The following PACRG variants were observed in gnomAD, a reference collection of about 807,000 sequenced individuals.
PACRG encodes parkin coregulated.
Under a neutral mutation model 29.7 loss-of-function variants are expected in PACRG, and 29 were observed. The observed-to-expected ratio is 0.98, with a 90% CI of 0.73 to 1.33. PACRG has a LOEUF of 1.33. Ranked by LOEUF, PACRG falls within the 40% of genes most tolerant of loss-of-function variation. The pLI, the probability that PACRG is intolerant of heterozygous loss-of-function variation, is 0.00. For missense variants in PACRG, 279 were observed against 316.2 expected (o/e 0.88, Z 0.89); for synonymous variants, 116 against 118.7 (o/e 0.98, Z 0.15).
In PACRG at chr6:162,728,353, G is replaced by T; in HGVS notation, c.118G>T (p.Glu40Ter). Reference protein sequence around the residue: ...PVHQPHSLVSEGFTVKAMMKN... With the variant: ...PVHQPHSLVS ...GCACCAGCCTCACTCTCTGGTTTCT[G>T]AGGGTTTCACAGTCAAAGCCATGAT... is the stretch of plus-strand genomic sequence containing the variant. Residue 40 changes from glutamate (E) to a stop codon, truncating the protein, a stop_gained, in exon 1 of 5, where the codon GAG becomes TAG. Transcript: ENST00000366888. LOFTEE classifies it high-confidence loss of function. 6.2e-7 allele frequency: 1 copy of T among 1,613,734 alleles called. No individual in the cohort carries two copies.
At chr6:163,221,985 G>A (rs1024464734) in intron 4 of PACRG, among the ~76,000 whole-genome samples, 5 of 152,176 alleles carry the variant, frequency 3.3e-5, no homozygotes, top group Admixed American at 6.5e-5. Flanking sequence ...GCTGCACCCT[G>A]ATCACCTGGC....
intron 4 of PACRG, among the ~76,000 whole-genome samples, chr6:163,289,573 A>G (rs186582980): frequency 1.3e-5 from 2 of 152,348 alleles, no homozygotes; most frequent in African/African-American, 4.8e-5. Context: ...CAGTTCTGCA[A>G]TGTCATTCTA....
chr6:163,143,550 A>G (rs951147976), intron 4 of PACRG, among the ~76,000 whole-genome samples: 1 of 151,852 alleles, frequency 6.6e-6, no homozygotes, highest in African/African-American at 2.4e-5. Context: ...CAGCCCAGGA[A>G]GGCCTTCAGA....
chr6:162,916,199 A>G (rs1411396519), intron 2 of PACRG, among the ~76,000 whole-genome samples: 3 of 152,146 alleles, frequency 2.0e-5, no homozygotes, highest in African/African-American at 7.2e-5. Context: ...TGAGCACTCT[A>G]AAGATGCTAT....
At chr6:162,934,256 G>C (rs1319421330) in intron 2 of PACRG, among the ~76,000 whole-genome samples, 2 of 145,432 alleles carry the variant, frequency 1.4e-5, no homozygotes, top group African/African-American at 5.4e-5. Context: ...CAGCGAGACT[G>C]TCTCAAAAAA....
At chr6:163,003,806 C>G (rs750633802) in intron 2 of PACRG, among the ~76,000 whole-genome samples, 4 of 152,124 alleles carry the variant, frequency 2.6e-5, no homozygotes, top group Non-Finnish European at 4.4e-5. Flanking sequence ...AGCCTTAATC[C>G]TCTCGATAAT....
At chr6:163,223,083 G>A (rs1781650577) in intron 4 of PACRG, among the ~76,000 whole-genome samples, 1 of 152,118 alleles carries the variant, frequency 6.6e-6, no homozygotes, top group Admixed American at 6.5e-5. Context: ...AACATACCTA[G>A]GGAAAAAGAA....
At chr6:163,298,686 C>A (rs1255671080) in intron 4 of PACRG, among the ~76,000 whole-genome samples, 1 of 152,182 alleles carries the variant, frequency 6.6e-6, no homozygotes, top group Non-Finnish European at 1.5e-5. Context: ...TGTATTCCTT[C>A]CACTCCATAG....
chr6:163,095,263 T>A, intron 4 of PACRG: 1 of 985,222 alleles, frequency 1.0e-6, no homozygotes, highest in Non-Finnish European at 1.2e-6. Context: ...CAAATCCACT[T>A]ATAAAAAGCA....
In PACRG at chr6:162,806,113, C is replaced by CTT. The variant is rs553734264; in HGVS notation, c.157-8022_157-8021dup. 2.7e-3 allele frequency among the ~76,000 whole-genome samples: 395 copies of CTT among 143,982 alleles called. 1 individual carries two copies. The highest frequency in any genetic ancestry group is 9.5e-3 in the African/African-American group (376 of 39,544). 94.5% of individuals were successfully genotyped at this position (143,982 alleles called of 152,430 possible). On this transcript the variant is annotated intron_variant, in intron 1 of 4. Transcript: ENST00000366888. Reference sequence around the variant, plus strand: ...TTACAAAAATGTATTTCTTTCTTTCCTTTTTTTTTTTTTAGATCGAGTTTC... The same window carrying CTT: ...TTACAAAAATGTATTTCTTTCTTTCCTTTTTTTTTTTTTTTAGATCGAGTTTC...
chr6:163,207,141 T>G (rs568734206), intron 4 of PACRG, among the ~76,000 whole-genome samples: 25 of 152,318 alleles, frequency 1.6e-4, no homozygotes, highest in African/African-American at 5.8e-4. Context: ...ATGAAATGAT[T>G]TCAGTCGCAG....
chr6:163,103,880 G>T (rs1461502466), intron 4 of PACRG, among the ~76,000 whole-genome samples: 5 of 152,150 alleles, frequency 3.3e-5, no homozygotes, highest in African/African-American at 4.8e-5. Context: ...CAAATGACTT[G>T]CCCAAGGTCA....
chr6:162,925,617 G>A (rs1797377012), intron 2 of PACRG, among the ~76,000 whole-genome samples: 1 of 152,138 alleles, frequency 6.6e-6, no homozygotes, highest in South Asian at 2.1e-4. Flanking sequence ...ATCCTTTCAT[G>A]TTAAAAACTC....
intron 4 of PACRG, among the ~76,000 whole-genome samples, chr6:163,169,419 CG>C (rs1778961946): frequency 6.6e-6 from 1 of 152,084 alleles, no homozygotes; most frequent in Non-Finnish European, 1.5e-5. Flanking sequence ...AGTCAAGATT[CG>C]GGTCAACTGT....
At chr6:162,831,264 A>G (rs555456326) in intron 2 of PACRG, among the ~76,000 whole-genome samples, 6 of 152,286 alleles carry the variant, frequency 3.9e-5, no homozygotes, top group Admixed American at 3.9e-4. Context: ...TGTGATTAAA[A>G]TTTAGTGATG....
At chr6:163,187,027 G>A (rs575583421) in intron 4 of PACRG, among the ~76,000 whole-genome samples, 18 of 152,326 alleles carry the variant, frequency 1.2e-4, no homozygotes, top group African/African-American at 3.6e-4. Context: ...CAGGGAGGGA[G>A]ACACCCCCCG....
chr6:163,058,635 G>A (rs1362033551), intron 2 of PACRG, among the ~76,000 whole-genome samples: 2 of 152,028 alleles, frequency 1.3e-5, no homozygotes, highest in African/African-American at 2.4e-5. Context: ...TGTGGCTCAC[G>A]CCTGTAATCC....
chr6:162,875,847 C>A (rs6940541), intron 2 of PACRG, among the ~76,000 whole-genome samples: 22,504 of 152,174 alleles, frequency 0.15, 1,998 homozygotes, highest in East Asian at 0.33. Context: ...CCAGTATGAT[C>A]TTCTAAATGC....
At chr6:163,139,692 T>G (rs1485712032) in intron 4 of PACRG, among the ~76,000 whole-genome samples, 3 of 152,234 alleles carry the variant, frequency 2.0e-5, no homozygotes, top group African/African-American at 7.2e-5. Flanking sequence ...ATTAGGTTGG[T>G]GCTAAAGTAA....
Sources: gnomAD v4.1 joint callset for allele counts (sites outside exome capture counted in the v4.1 genomes callset) on GRCh38, gnomAD v4.1.1 for gene constraint, MANE v1.5 for transcripts, NCBI Gene and HGNC (gene_info 2026-07-23, HGNC 2026-07-21) for gene names.